The following FARS2 variants were observed in gnomAD, a reference collection of about 807,000 sequenced individuals.
FARS2 encodes phenylalanine--tRNA ligase, mitochondrial.
In FARS2, 40 loss-of-function variants were observed where a neutral mutation model predicts 46.4. The ratio of observed to expected loss-of-function variants is 0.86; its 90% confidence interval spans 0.67 to 1.12. FARS2 has a LOEUF of 1.12. Ranked by LOEUF, FARS2 falls within the 50% of genes most tolerant of loss-of-function variation. FARS2 has a pLI of 0.00. For missense variants in FARS2, 513 were observed against 567.9 expected (o/e 0.90, Z 0.98); for synonymous variants, 234 against 214.9 (o/e 1.09, Z -0.78).
chr6:5,575,473 TCTC>T (rs1331641972), intron 5 of FARS2, among the ~76,000 whole-genome samples: 3 of 152,330 alleles, frequency 2.0e-5, no homozygotes, highest in African/African-American at 4.8e-5. Flanking sequence ...CATACCCTCT[TCTC>T]CTAAATGCAT....
At chr6:5,360,146 A>T (rs192719696) in intron 1 of FARS2, among the ~76,000 whole-genome samples, 16 of 152,340 alleles carry the variant, frequency 1.1e-4, no homozygotes, top group Non-Finnish European at 1.6e-4. Flanking sequence ...TCTCCCAGGC[A>T]TTTCATGTTA....
intron 4 of FARS2, among the ~76,000 whole-genome samples, chr6:5,515,569 T>G (rs1768734545): frequency 6.6e-6 from 1 of 152,126 alleles, no homozygotes; most frequent in African/African-American, 2.4e-5. Flanking sequence ...GTTGGGATTA[T>G]AGATGTGCAC....
chr6:5,539,124 A>G (rs1289489062), intron 4 of FARS2, among the ~76,000 whole-genome samples: 2 of 151,934 alleles, frequency 1.3e-5, no homozygotes, highest in Non-Finnish European at 2.9e-5. Flanking sequence ...AGTCACGCAT[A>G]TCCCCAGCAC....
At chr6:5,399,223 A>G (rs2911723) in intron 2 of FARS2, among the ~76,000 whole-genome samples, 55,772 of 148,150 alleles carry the variant, frequency 0.38, 12,293 homozygotes, top group African/African-American at 0.61. Context: ...TGCCCAGGCT[A>G]GAGTACAGTG....
chr6:5,449,914 A>C (rs75456417), intron 4 of FARS2, among the ~76,000 whole-genome samples: 3,374 of 152,324 alleles, frequency 0.022, 60 homozygotes, highest in Middle Eastern at 0.065. Context: ...CTTGGTATAC[A>C]TGTGGGATTG....
chr6:5,624,876 C>T (rs551944299), intron 6 of FARS2, among the ~76,000 whole-genome samples: 9 of 144,028 alleles, frequency 6.2e-5, no homozygotes, highest in African/African-American at 2.0e-4. Flanking sequence ...CTGAATTGTT[C>T]GAGGTTTTTA....
Position 5,771,304 on chromosome 6 carries a change from A to G in FARS2, c.1231A>G (p.Ser411Gly). Reference sequence around the variant, plus strand: ...TCCTCTCTGTAGGACGCACAAGACCAGCCACTGCTACCGCATCACGTACCG... The same window carrying G: ...TCCTCTCTGTAGGACGCACAAGACCGGCCACTGCTACCGCATCACGTACCG... ...KFVHPKTHKT[S>G]HCYRITYRHM... The change falls in exon 7 of 7, where the codon AGC (serine) becomes GGC (glycine). Residue 411 changes from serine (S) to glycine (G), a missense_variant. By Grantham distance (56) the Ser-to-Gly change is moderately conservative. Coordinates refer to ENST00000274680, the MANE Select transcript of FARS2 (RefSeq NM_006567.5). The G allele has an allele frequency of 6.2e-7, 1 of 1,614,180 alleles. No individual in the cohort carries two copies. The highest frequency in any genetic ancestry group is 1.6e-4 in the Middle Eastern group (1 of 6,062).
At chr6:5,703,289 G>A (rs1189579189) in intron 6 of FARS2, among the ~76,000 whole-genome samples, 1 of 152,008 alleles carries the variant, frequency 6.6e-6, no homozygotes, top group Non-Finnish European at 1.5e-5. Flanking sequence ...AGTGCCTTCT[G>A]ACTGTCTGCT....
chr6:5,385,016 T>C (rs1760027296), intron 2 of FARS2, among the ~76,000 whole-genome samples: 1 of 152,200 alleles, frequency 6.6e-6, no homozygotes, highest in African/African-American at 2.4e-5. Flanking sequence ...TTAATTGGCA[T>C]GTGGTGCATT....
At chr6:5,413,436 A>G (rs917364007) in intron 3 of FARS2, among the ~76,000 whole-genome samples, 2 of 152,154 alleles carry the variant, frequency 1.3e-5, no homozygotes, top group African/African-American at 4.8e-5. Context: ...TTTTACTGGT[A>G]CTAATAACTC....
chr6:5,771,210 C>A, intron 6 of FARS2, 81 bp from the exon 7 acceptor site: 1 of 1,550,234 alleles, frequency 6.5e-7, no homozygotes, highest in Non-Finnish European at 8.8e-7. Flanking sequence ...TTGGGGAGAT[C>A]TGGCCAGGGC....
chr6:5,713,695 G>A (rs544940136), intron 6 of FARS2, among the ~76,000 whole-genome samples: 69 of 152,340 alleles, frequency 4.5e-4, no homozygotes, highest in African/African-American at 1.6e-3. Flanking sequence ...AAAGAGCACC[G>A]CTAAGCAGCA....
intron 4 of FARS2, among the ~76,000 whole-genome samples, chr6:5,518,754 A>G (rs1768962144): frequency 6.6e-6 from 1 of 152,138 alleles, no homozygotes; most frequent in African/African-American, 2.4e-5. Flanking sequence ...TTTTTTCATA[A>G]TTACTTCATA....
intron 4 of FARS2, among the ~76,000 whole-genome samples, chr6:5,503,305 C>T (rs1767906720): frequency 6.6e-6 from 1 of 150,978 alleles, no homozygotes; most frequent in Non-Finnish European, 1.5e-5. Flanking sequence ...AATTACAGCA[C>T]AAGGACTGTG....
intron 6 of FARS2, chr6:5,694,885 T>A (rs1211248158): frequency 6.6e-6 from 1 of 150,726 alleles, no homozygotes; most frequent in South Asian, 2.1e-4. Flanking sequence ...CACGCACCTG[T>A]AGTCCTGGCC....
At chr6:5,446,200 C>T (rs1356360390) in intron 4 of FARS2, among the ~76,000 whole-genome samples, 2 of 145,312 alleles carry the variant, frequency 1.4e-5, no homozygotes, top group Admixed American at 7.0e-5. Context: ...GAGACTCCAT[C>T]TTAAAAAAAA....
At chr6:5,770,206 A>C (rs1762963187) in intron 6 of FARS2, among the ~76,000 whole-genome samples, 1 of 152,210 alleles carries the variant, frequency 6.6e-6, no homozygotes, top group Admixed American at 6.5e-5. Context: ...CAGCTCAATC[A>C]GAAGCCCATT....
At chr6:5,332,106 G>A (rs1424885474) in intron 1 of FARS2, among the ~76,000 whole-genome samples, 1 of 152,124 alleles carries the variant, frequency 6.6e-6, no homozygotes, top group Non-Finnish European at 1.5e-5. Flanking sequence ...ATTTGCCCAA[G>A]CCTCAGGTTA....
chr6:5,722,755 G>A (rs763809785), intron 6 of FARS2, among the ~76,000 whole-genome samples: 8 of 152,142 alleles, frequency 5.3e-5, no homozygotes, highest in Non-Finnish European at 1.2e-4. Context: ...GTGAAGCAAG[G>A]TGAAAGGTCA....
Sources: gnomAD v4.1 joint callset for allele counts (sites outside exome capture counted in the v4.1 genomes callset) on GRCh38, gnomAD v4.1.1 for gene constraint, MANE v1.5 for transcripts, NCBI Gene and HGNC (gene_info 2026-07-23, HGNC 2026-07-21) for gene names.